Variants in SIL1 observed in about 807,000 individuals in gnomAD.
The protein encoded by SIL1 is SIL1 nucleotide exchange factor.
SIL1 carries 40 observed loss-of-function variants against 49.1 expected under a neutral mutation model. That is an observed-to-expected ratio of 0.81 (90% CI 0.63 to 1.06). SIL1 has a LOEUF of 1.06. SIL1 is among the 50% of genes least tolerant of loss of function. The probability of loss-of-function intolerance (pLI) is 0.00; values close to 1 mark genes in which losing one functional copy is unlikely to be tolerated. For missense variants in SIL1, 500 were observed against 572.6 expected (o/e 0.87, Z 1.29); for synonymous variants, 253 against 250.8 (o/e 1.01, Z -0.08).
At chr5:138,961,371 C>T (rs1767016690) in intron 7 of SIL1, among the ~76,000 whole-genome samples, 1 of 152,228 alleles carries the variant, frequency 6.6e-6, no homozygotes, top group Non-Finnish European at 1.5e-5. Context: ...TCTCAAGTTC[C>T]ACTTAACTCT....
intron 7 of SIL1, among the ~76,000 whole-genome samples, chr5:138,994,162 T>C (rs1023340055): frequency 8.5e-5 from 13 of 152,208 alleles, no homozygotes; most frequent in Middle Eastern, 6.8e-3. Flanking sequence ...TGCTAGACAT[T>C]GCAATAAGAA....
chr5:138,981,562 C>T (rs1018368398), intron 7 of SIL1, among the ~76,000 whole-genome samples: 21 of 152,310 alleles, frequency 1.4e-4, no homozygotes, highest in Non-Finnish European at 1.0e-4. Context: ...TATCCACTGC[C>T]CACTCCTGAT....
chr5:139,146,113 C>T (rs540973429), intron 1 of SIL1, among the ~76,000 whole-genome samples: 9 of 152,060 alleles, frequency 5.9e-5, no homozygotes, highest in Admixed American at 3.9e-4. Context: ...CAAAGTGCTG[C>T]GATTACAGCC....
At chr5:139,178,126 C>T (rs1751919826) in intron 1 of SIL1, among the ~76,000 whole-genome samples, 1 of 152,192 alleles carries the variant, frequency 6.6e-6, no homozygotes, top group Non-Finnish European at 1.5e-5. Flanking sequence ...GTGCTGGCAC[C>T]CTGGGCCACC....
Position 139,001,957 on chromosome 5 carries a change from T to A in SIL1, c.767+19214A>T, listed in dbSNP as rs549843588. Among the ~76,000 whole-genome samples the A allele has an allele frequency of 1.3e-4, 20 of 150,572 alleles. No individual in the cohort carries two copies. In the South Asian group the frequency reaches 3.8e-3, roughly 29 times the overall value. On this transcript the variant is annotated intron_variant, in intron 7 of 9. Coordinates refer to ENST00000394817, the MANE Select transcript of SIL1 (RefSeq NM_022464.5). ...CAGGAGTGATGGCTCACGGCTGTAATCCTAGGACTTTAATAGGCTAAGGCA... is the reference window on the plus strand; with the variant it reads ...CAGGAGTGATGGCTCACGGCTGTAAACCTAGGACTTTAATAGGCTAAGGCA...
chr5:139,105,434 C>T (rs769680256), intron 3 of SIL1, among the ~76,000 whole-genome samples: 1 of 152,148 alleles, frequency 6.6e-6, no homozygotes, highest in Non-Finnish European at 1.5e-5. Flanking sequence ...AACTATAAAT[C>T]AATCCCTCAC....
chr5:139,069,826 G>C (rs1330799200), intron 3 of SIL1, among the ~76,000 whole-genome samples: 1 of 152,112 alleles, frequency 6.6e-6, no homozygotes, highest in East Asian at 1.9e-4. Context: ...TAACAGCAAA[G>C]CCTACTGCCA....
chr5:139,077,052 T>A (rs537865993), intron 3 of SIL1, among the ~76,000 whole-genome samples: 10 of 152,302 alleles, frequency 6.6e-5, no homozygotes, highest in African/African-American at 2.4e-4. Context: ...GAGAATTGCT[T>A]GAACCCAGGA....
At chr5:139,088,536 G>C (rs1770275530) in intron 3 of SIL1, among the ~76,000 whole-genome samples, 1 of 152,202 alleles carries the variant, frequency 6.6e-6, no homozygotes, top group African/African-American at 2.4e-5. Context: ...TCCTTGTGAA[G>C]GAAGTCCAGT....
chr5:138,983,865 A>G (rs961960254), intron 7 of SIL1, among the ~76,000 whole-genome samples: 2 of 152,194 alleles, frequency 1.3e-5, no homozygotes, highest in African/African-American at 4.8e-5. Context: ...CCTCTGCTGG[A>G]AACAGCTCAT....
intron 7 of SIL1, among the ~76,000 whole-genome samples, chr5:138,971,740 A>T (rs1238022745): frequency 6.6e-6 from 1 of 152,302 alleles, no homozygotes; most frequent in South Asian, 2.1e-4. Flanking sequence ...AATAGCTGCA[A>T]AAGTAGAAAA....
intron 1 of SIL1, among the ~76,000 whole-genome samples, chr5:139,158,326 G>A (rs1244626281): frequency 6.6e-6 from 1 of 152,210 alleles, no homozygotes; most frequent in East Asian, 1.9e-4. Context: ...CTTTGGGTGA[G>A]CCTCTGAAGT....
chr5:139,019,150 C>T (rs1367798639), intron 7 of SIL1, among the ~76,000 whole-genome samples: 1 of 152,234 alleles, frequency 6.6e-6, no homozygotes, highest in East Asian at 1.9e-4. Flanking sequence ...AAAGAGCAAG[C>T]TCATCCCATC....
At chr5:139,121,581 T>C (rs1362575045) in intron 2 of SIL1, among the ~76,000 whole-genome samples, 4 of 152,200 alleles carry the variant, frequency 2.6e-5, no homozygotes, top group African/African-American at 9.7e-5. Context: ...ATAAACATAT[T>C]TAGAAAAGAA....
intron 3 of SIL1, 24 bp from the exon 4 acceptor site, chr5:139,051,070 C>T (rs751703144): frequency 7.5e-6 from 12 of 1,609,798 alleles, no homozygotes; most frequent in Non-Finnish European, 9.4e-6. Context: ...AGAGAAAAGG[C>T]TCATGAGGTA....
chr5:139,140,448 CTA>C (rs984822862), intron 1 of SIL1, among the ~76,000 whole-genome samples: 1 of 152,194 alleles, frequency 6.6e-6, no homozygotes, highest in African/African-American at 2.4e-5. Context: ...TTGGTATCAA[CTA>C]TGTCTTCCAG....
At position 139,026,785 on chromosome 5, in the gene SIL1, C is replaced by A. The variant is rs755743227; in HGVS notation, c.645+16G>T. The stretch of plus-strand genomic sequence containing the variant: ...AGCTGTTAAAAGTCTGACTTATGGA[C>A]GAAGAAATACAGTACCTGATGGACA... On this transcript the variant is annotated intron_variant, in intron 6 of 9. Coordinates refer to ENST00000394817, the MANE Select transcript of SIL1 (RefSeq NM_022464.5). 8.7e-6 allele frequency: 14 copies of A among 1,613,190 alleles called. No homozygotes were observed. The Admixed American group carries it at 2.3e-4, about 27-fold the overall frequency.
chr5:139,102,832 A>G (rs916562575), intron 3 of SIL1, among the ~76,000 whole-genome samples: 1 of 151,610 alleles, frequency 6.6e-6, no homozygotes, highest in Non-Finnish European at 1.5e-5. Context: ...CTCCTGCCTC[A>G]GCCTCCTGAG....
At chr5:139,057,712 G>T (rs1769487276) in intron 3 of SIL1, among the ~76,000 whole-genome samples, 1 of 152,222 alleles carries the variant, frequency 6.6e-6, no homozygotes, top group Non-Finnish European at 1.5e-5. Flanking sequence ...CTTAGAGTGT[G>T]TCCTAGTCCA....
Sources: gnomAD v4.1 joint callset for allele counts (sites outside exome capture counted in the v4.1 genomes callset) on GRCh38, gnomAD v4.1.1 for gene constraint, MANE v1.5 for transcripts, NCBI Gene and HGNC (gene_info 2026-07-23, HGNC 2026-07-21) for gene names.